Variants in WBP2NL observed in about 807,000 individuals in gnomAD.
WBP2NL encodes the protein postacrosomal sheath WW domain-binding protein.
Under a neutral mutation model 23.3 loss-of-function variants are expected in WBP2NL, and 27 were observed. The observed-to-expected ratio is 1.16, with a 90% CI of 0.85 to 1.60. The LOEUF (loss-of-function observed/expected upper bound fraction) is 1.60. Among genes scored for constraint, WBP2NL ranks in the 40% most tolerant of loss-of-function variants. WBP2NL has a pLI of 0.00. For synonymous variants in WBP2NL, 151 were observed against 145.9 expected (o/e 1.03, Z -0.25); for missense variants, 370 against 389.5 (o/e 0.95, Z 0.42).
rs183109868 is a variant in WBP2NL at position 42,046,603 on chromosome 22, G to A, written c.*274-11687G>A. Among the ~76,000 whole-genome samples the A allele has an allele frequency of 2.2e-4, 33 of 152,122 alleles. No homozygotes were observed. The Middle Eastern group carries it at 0.017, about 78-fold the overall frequency. ...GGTAATGTCCCATTTTAAAAATATT[G>A]GACATCTTCAATCTTAAACATTTCT... On this transcript the variant is annotated intron_variant and NMD_transcript_variant, in intron 8 of 8. Transcript: ENST00000436265.
intron 8 of WBP2NL, among the ~76,000 whole-genome samples, chr22:42,039,976 A>C (rs1297092951): frequency 6.6e-6 from 1 of 150,864 alleles, no homozygotes; most frequent in African/African-American, 2.4e-5. Context: ...CAGTGGCTCA[A>C]CCTCAGCTCA....
chr22:42,052,232 T>A (rs1925861642), intron 8 of WBP2NL, among the ~76,000 whole-genome samples: 1 of 152,160 alleles, frequency 6.6e-6, no homozygotes, highest in South Asian at 2.1e-4. Context: ...TCTTGAGGAA[T>A]ACTTTCTGAG....
At chr22:42,005,849 A>G (rs1276155457) in intron 1 of WBP2NL, among the ~76,000 whole-genome samples, 1 of 152,222 alleles carries the variant, frequency 6.6e-6, no homozygotes, top group African/African-American at 2.4e-5. Context: ...CTTTACCAGT[A>G]TGATCCTGAA....
At chr22:42,008,068 T>TTCTTC (rs958545742) in intron 1 of WBP2NL, among the ~76,000 whole-genome samples, 3 of 151,428 alleles carry the variant, frequency 2.0e-5, no homozygotes, top group African/African-American at 4.9e-5. Flanking sequence ...ACACTTGTTT[T>TTCTTC]TCTTCTCTTC....
chr22:42,013,415 AAAAG>A (rs978460711), intron 1 of WBP2NL, among the ~76,000 whole-genome samples: 8 of 152,104 alleles, frequency 5.3e-5, no homozygotes, highest in Non-Finnish European at 1.0e-4. Flanking sequence ...AAGAAAAAGA[AAAAG>A]AAATCAGCTG....
rs577347566 is a variant in WBP2NL at position 42,011,486 on chromosome 22, C to T, written c.63-7825C>T. Among the ~76,000 whole-genome samples, 5 of 152,174 alleles carry T rather than the reference C, an allele frequency of 3.3e-5. No homozygotes were observed. In the East Asian group the frequency reaches 7.7e-4, roughly 24 times the overall value. On this transcript the variant is annotated intron_variant, in intron 1 of 5. Transcript: ENST00000328823. ...TAGGCTGGTCGGAAACTCCTGGCCT[C>T]GAGCAATCCTCCTGTCTCAGCCTCC...
At chr22:42,040,216 T>TTC (rs988467924) in intron 8 of WBP2NL, among the ~76,000 whole-genome samples, 1 of 151,522 alleles carries the variant, frequency 6.6e-6, no homozygotes, top group Non-Finnish European at 1.5e-5. Flanking sequence ...GAGATCTATC[T>TTC]TCTCTCTCTC....
downstream of WBP2NL, among the ~76,000 whole-genome samples, chr22:42,029,026 C>T (rs537006042): frequency 5.5e-4 from 84 of 152,360 alleles, no homozygotes; most frequent in African/African-American, 1.9e-3. Context: ...CTATTCTAGA[C>T]TGTTTCAAGG....
At chr22:42,053,968 T>C (rs1602484745) in intron 8 of WBP2NL, among the ~76,000 whole-genome samples, 1 of 151,262 alleles carries the variant, frequency 6.6e-6, no homozygotes, top group African/African-American at 2.4e-5. Context: ...ATTTTTTATT[T>C]AAAAAAAAAT....
rs1924610722 is a variant in WBP2NL at position 42,027,373 on chromosome 22, CT to C, written c.*193del. 2 of 654,108 alleles carry C rather than the reference CT, an allele frequency of 3.1e-6. No individual in the cohort carries two copies. The highest frequency in any genetic ancestry group is 6.7e-5 in the South Asian group (2 of 29,886). 40.5% of individuals were successfully genotyped at this position (654,108 alleles called of 1,614,324 possible). The stretch of plus-strand genomic sequence containing the variant: ...GCCTAGATTTTAGAAGCAGAATCAA[CT>C]CTTAAATAGCTGGCTAAAGGAAGAA... On this transcript the variant is annotated 3_prime_UTR_variant, in exon 6 of 6. Transcript: ENST00000328823.
chr22:42,000,886 C>T (rs34071114), intron 1 of WBP2NL, among the ~76,000 whole-genome samples: 4,655 of 151,602 alleles, frequency 0.031, 100 homozygotes, highest in Non-Finnish European at 0.048. Context: ...AAAAGGTGAA[C>T]CAAAAGGTTG....
At chr22:42,005,942 A>G (rs547085520) in intron 1 of WBP2NL, among the ~76,000 whole-genome samples, 1 of 152,338 alleles carries the variant, frequency 6.6e-6, no homozygotes, top group African/African-American at 2.4e-5. Flanking sequence ...GTCAAGAGCA[A>G]ATGTCATGGC....
At chr22:42,052,279 A>AT (rs995684432) in intron 8 of WBP2NL, among the ~76,000 whole-genome samples, 31 of 150,934 alleles carry the variant, frequency 2.1e-4, no homozygotes, top group African/African-American at 6.1e-4. Context: ...ACCAACTTGT[A>AT]TTTTTTTTTC....
downstream of WBP2NL, among the ~76,000 whole-genome samples, chr22:42,028,907 TCCTCA>T (rs1924732444): frequency 1.3e-5 from 2 of 152,206 alleles, no homozygotes; most frequent in Admixed American, 1.3e-4. Flanking sequence ...CATCTTCGAC[TCCTCA>T]CCCATTAAGT....
intron 1 of WBP2NL, chr22:42,002,753 T>C (rs1012934106): frequency 1.3e-5 from 2 of 152,218 alleles, no homozygotes; most frequent in African/African-American, 4.8e-5. Flanking sequence ...ACTCCTGTAC[T>C]CCAGCTGTCC....
intron 8 of WBP2NL, among the ~76,000 whole-genome samples, chr22:42,053,046 G>A (rs1380543727): frequency 2.6e-5 from 4 of 152,120 alleles, no homozygotes; most frequent in African/African-American, 9.7e-5. Flanking sequence ...TTTTGTCTCT[G>A]TAGGTTTGCC....
intron 1 of WBP2NL, 98 bp downstream of exon 1, chr22:41,998,978 C>T: frequency 1.4e-6 from 2 of 1,397,768 alleles, no homozygotes; most frequent in Non-Finnish European, 1.9e-6. Flanking sequence ...GACTTTGCCG[C>T]CTTTTTTGGG....
At chr22:42,032,761 C>T, downstream of WBP2NL, 1 of 470,444 alleles carries the variant, frequency 2.1e-6, no homozygotes, top group Non-Finnish European at 4.4e-6. Context: ...TTCTTTGAAG[C>T]TTCCTAAATG....
chr22:42,034,918 T>C (rs968571542), downstream of WBP2NL, among the ~76,000 whole-genome samples: 2 of 152,246 alleles, frequency 1.3e-5, no homozygotes, highest in Admixed American at 1.3e-4. Flanking sequence ...CTGTTCTTTT[T>C]TCAGGGTGCC....
Sources: allele counts gnomAD v4.1 joint callset (sites outside exome capture counted in the v4.1 genomes callset), GRCh38; gene constraint gnomAD v4.1.1; transcripts MANE v1.5; gene names NCBI Gene and HGNC (gene_info 2026-07-23, HGNC 2026-07-21).